Variants in ERG observed in about 807,000 individuals in gnomAD.
ERG encodes ETS transcription factor ERG.
A neutral mutation model predicts 55.3 loss-of-function variants in ERG; 9 were observed. The ratio of observed to expected loss-of-function variants is 0.16; its 90% confidence interval spans 0.10 to 0.28. The LOEUF (loss-of-function observed/expected upper bound fraction) is 0.28, where lower values mean the gene tolerates loss of function less well. Among genes scored for constraint, ERG ranks in the 10% least tolerant of loss-of-function variants. The probability of loss-of-function intolerance (pLI) is 1.00; values close to 1 mark genes in which losing one functional copy is unlikely to be tolerated. For missense variants in ERG, 434 were observed against 631.6 expected (o/e 0.69, Z 3.35); for synonymous variants, 223 against 237.3 (o/e 0.94, Z 0.55).
intron 1 of ERG, among the ~76,000 whole-genome samples, chr21:38,466,003 C>A (rs1321343611): frequency 6.6e-6 from 1 of 152,162 alleles, no homozygotes; most frequent in Non-Finnish European, 1.5e-5. Flanking sequence ...GTGAAACTGT[C>A]TGCAGTTAGC....
At chr21:38,496,847 GT>G (rs1568855373) in intron 1 of ERG, among the ~76,000 whole-genome samples, 2 of 152,004 alleles carry the variant, frequency 1.3e-5, no homozygotes, top group Non-Finnish European at 2.9e-5. Context: ...AATGCACTGA[GT>G]TTTTTGGGAA....
intron 1 of ERG, among the ~76,000 whole-genome samples, chr21:38,485,679 C>T (rs574119802): frequency 1.2e-3 from 188 of 151,624 alleles, no homozygotes; most frequent in African/African-American, 4.1e-3. Context: ...AGGATGGTCT[C>T]GATCTCCTGA....
the ERG span, among the ~76,000 whole-genome samples, chr21:38,370,964 T>G: frequency 1.3e-5 from 2 of 151,928 alleles, no homozygotes; most frequent in African/African-American, 4.8e-5. Flanking sequence ...GGATTTTTTT[T>G]TTCAGAGGAA....
At chr21:38,628,559 G>A (rs898200082) in intron 1 of ERG, among the ~76,000 whole-genome samples, 4 of 152,192 alleles carry the variant, frequency 2.6e-5, no homozygotes, top group African/African-American at 9.6e-5. Flanking sequence ...CAGCTACTGC[G>A]TGGAGAAAAG....
intron 7 of ERG, 121 bp from the exon 8 acceptor site, chr21:38,391,836 AG>A (rs1281206678): frequency 2.6e-6 from 2 of 765,900 alleles, no homozygotes; most frequent in Non-Finnish European, 4.1e-6. Context: ...CTAACTCAGA[AG>A]CATCTCACGG....
chr21:38,534,177 T>C (rs1474196736), intron 2 of ERG, among the ~76,000 whole-genome samples: 1 of 152,194 alleles, frequency 6.6e-6, no homozygotes, highest in South Asian at 2.1e-4. Flanking sequence ...TGCTCTGAGC[T>C]TCATTCTCAG....
chr21:38,428,285 C>T (rs1002319871), intron 2 of ERG, among the ~76,000 whole-genome samples: 1 of 149,190 alleles, frequency 6.7e-6, no homozygotes, highest in Non-Finnish European at 1.5e-5. Flanking sequence ...ATTTCTAGCT[C>T]TGTGCCCAAG....
At chr21:38,659,418 T>A (rs1054651832) in intron 1 of ERG, among the ~76,000 whole-genome samples, 7 of 152,238 alleles carry the variant, frequency 4.6e-5, no homozygotes, top group African/African-American at 1.7e-4. Flanking sequence ...AGCTCTGGCC[T>A]GCCCCGGGAG....
At chr21:38,496,666 A>G (rs536797075) in intron 1 of ERG, among the ~76,000 whole-genome samples, 1 of 152,394 alleles carries the variant, frequency 6.6e-6, no homozygotes, top group South Asian at 2.1e-4. Context: ...AGACAAGTGT[A>G]AACTATTATT....
chr21:38,480,381 T>A (rs1262616736), intron 1 of ERG, among the ~76,000 whole-genome samples: 1 of 152,098 alleles, frequency 6.6e-6, no homozygotes, highest in African/African-American at 2.4e-5. Context: ...AGGCACCAGA[T>A]GCATCCTTCC....
chr21:38,450,878 C>T, intron 1 of ERG: 1 of 455,196 alleles, frequency 2.2e-6, no homozygotes, highest in South Asian at 1.6e-5. Context: ...TTAATCCTTA[C>T]AATTGTCCTA....
chr21:38,571,567 A>G (rs967425393), intron 2 of ERG, among the ~76,000 whole-genome samples: 3 of 152,094 alleles, frequency 2.0e-5, no homozygotes, highest in Admixed American at 6.6e-5. Flanking sequence ...AGGTACCTGG[A>G]ACGGCCTGCA....
At chr21:38,652,879 A>G (rs1568974783) in intron 1 of ERG, among the ~76,000 whole-genome samples, 1 of 151,886 alleles carries the variant, frequency 6.6e-6, no homozygotes, top group Admixed American at 6.6e-5. Flanking sequence ...TGGTGTGTGA[A>G]CTCATCTCCT....
the ERG span, among the ~76,000 whole-genome samples, chr21:38,374,761 C>T: frequency 6.6e-6 from 1 of 152,100 alleles, no homozygotes; most frequent in African/African-American, 2.4e-5. Context: ...TGCCCCAAGC[C>T]CCACTCCTCA....
intron 1 of ERG, among the ~76,000 whole-genome samples, chr21:38,458,826 T>G (rs1406892083): frequency 6.6e-6 from 1 of 152,284 alleles, no homozygotes. Flanking sequence ...CTCTCTTCTC[T>G]TCTCCAACCT....
chr21:38,391,747 C>T (rs375596500), intron 7 of ERG, 32 bp from the exon 8 acceptor site: 158 of 1,591,494 alleles, frequency 9.9e-5, no homozygotes, highest in Middle Eastern at 1.7e-4. Context: ...AGGCAATTAG[C>T]TATAACAGAT....
At position 38,498,245 on chromosome 21, in the gene ERG, C is replaced by G; in HGVS notation, c.18+118G>C. 1.2e-6 allele frequency: 1 copy of G among 842,824 alleles called. No homozygotes were observed. Among genetic ancestry groups the G allele is most frequent in the South Asian group, 1.5e-5 (1 of 66,458 alleles). 52.2% of individuals were successfully genotyped at this position (842,824 alleles called of 1,614,324 possible). On this transcript the variant is annotated intron_variant, in intron 1 of 9. Transcript: ENST00000288319. The surrounding 1 kb of genome is among the most constrained non-coding windows in gnomAD (Gnocchi z 4.6). ...GCAGTGCAAAGGAAATCTTGTTGTC[C>G]TCTATTGTGGCAGTGGGGGTGTTGC...
In ERG at chr21:38,644,344, T is replaced by C. The variant is rs537699364; in HGVS notation, c.-150+17314A>G. 3.3e-5 allele frequency among the ~76,000 whole-genome samples: 5 copies of C among 152,344 alleles called. No individual in the cohort carries two copies. In the East Asian group the frequency reaches 9.6e-4, roughly 29 times the overall value. On this transcript the variant is annotated intron_variant, in intron 1 of 10. Transcript: ENST00000398910. Reference sequence around the variant, plus strand: ...AACAAGATGGGAAGACATTTTCCTTTTAATAAATTGATTTTCTTAAAGGAG... The same window carrying C: ...AACAAGATGGGAAGACATTTTCCTTCTAATAAATTGATTTTCTTAAAGGAG...
chr21:38,576,865 G>T (rs1162431981), intron 1 of ERG, among the ~76,000 whole-genome samples: 1 of 152,054 alleles, frequency 6.6e-6, no homozygotes, highest in Non-Finnish European at 1.5e-5. Flanking sequence ...GGATTCTAGG[G>T]GGACCTCTCC....
Sources: gnomAD v4.1 joint callset for allele counts (sites outside exome capture counted in the v4.1 genomes callset) on GRCh38, gnomAD v4.1.1 for gene constraint, Gnocchi (gnomAD v3.1) non-coding constraint, MANE v1.5 for transcripts, NCBI Gene and HGNC (gene_info 2026-07-23, HGNC 2026-07-21) for gene names.